Variants in SPATA31H1 observed in about 807,000 individuals in gnomAD.
SPATA31H1 encodes SPATA31 subfamily H member 1, also known as spermatogenesis-associated protein 31H1.
the SPATA31H1 span, among the ~76,000 whole-genome samples, chr2:27,542,045 C>A: frequency 6.6e-6 from 1 of 151,942 alleles, no homozygotes; most frequent in African/African-American, 2.4e-5. Flanking sequence ...AGTGCTGGGA[C>A]TACAGGCATG....
At chr2:27,550,818 G>A in the SPATA31H1 span, among the ~76,000 whole-genome samples, 3 of 151,728 alleles carry the variant, frequency 2.0e-5, no homozygotes, top group Non-Finnish European at 4.4e-5. Context: ...ACTGAGTTTT[G>A]AAAACAAAAC....
the SPATA31H1 span, among the ~76,000 whole-genome samples, chr2:27,546,300 A>G: frequency 6.6e-6 from 1 of 151,866 alleles, no homozygotes; most frequent in South Asian, 2.1e-4. Context: ...ACCCTTCTAT[A>G]TTTCTTCTAG....
At chr2:27,566,022 G>C in the SPATA31H1 span, 3 of 717,296 alleles carry the variant, frequency 4.2e-6, no homozygotes, top group Non-Finnish European at 7.8e-6. Context: ...GAGGCTGACA[G>C]ATTCTTCACC....
chr2:27,569,006 C>A, the SPATA31H1 span: 1 of 398,910 alleles, frequency 2.5e-6, no homozygotes, highest in Non-Finnish European at 4.4e-6. Context: ...ACAACTGTCA[C>A]CAAGTGGAAA....
the SPATA31H1 span, among the ~76,000 whole-genome samples, chr2:27,541,365 G>C: frequency 6.6e-6 from 1 of 151,494 alleles, no homozygotes; most frequent in East Asian, 2.0e-4. Flanking sequence ...GCTTTGGCTC[G>C]GCATCAGAGG....
the SPATA31H1 span, chr2:27,570,283 G>T: frequency 2.5e-6 from 1 of 398,796 alleles, no homozygotes; most frequent in Non-Finnish European, 4.4e-6. Context: ...TCTACTGAAG[G>T]ATCACAGTTT....
the SPATA31H1 span, chr2:27,573,689 C>T: frequency 4.1e-3 from 1,646 of 398,180 alleles, 21 homozygotes; most frequent in African/African-American, 0.029. Flanking sequence ...CTGAGTTGAC[C>T]CCAAGACCAC....
the SPATA31H1 span, among the ~76,000 whole-genome samples, chr2:27,563,206 G>A: frequency 4.6e-5 from 7 of 151,958 alleles, no homozygotes; most frequent in East Asian, 9.7e-4. Context: ...TATGTCTGAC[G>A]TAGAATGTCT....
the SPATA31H1 span, among the ~76,000 whole-genome samples, chr2:27,548,945 G>A: frequency 8.6e-5 from 13 of 151,264 alleles, no homozygotes; most frequent in Non-Finnish European, 1.5e-4. Flanking sequence ...GTGGTGGCAC[G>A]CGCCTGTAAT....
the SPATA31H1 span, chr2:27,573,470 T>C: frequency 2.5e-6 from 1 of 398,532 alleles, no homozygotes; most frequent in Non-Finnish European, 4.4e-6. Context: ...TGAAGTCATC[T>C]GAGTTGACTC....
the SPATA31H1 span, among the ~76,000 whole-genome samples, chr2:27,543,905 C>G: frequency 1.3e-5 from 2 of 152,074 alleles, no homozygotes; most frequent in South Asian, 4.1e-4. Flanking sequence ...CACGTTTCAG[C>G]TTAAAATTTT....
chr2:27,578,583 G>A, the SPATA31H1 span: 1 of 1,613,876 alleles, frequency 6.2e-7, no homozygotes, highest in East Asian at 2.2e-5. Context: ...ATCTCCATTT[G>A]AGGAACATAC....
At chr2:27,550,003 ATTTT>A in the SPATA31H1 span, among the ~76,000 whole-genome samples, 37 of 151,930 alleles carry the variant, frequency 2.4e-4, no homozygotes, top group East Asian at 2.5e-3. Context: ...AACACAAAAG[ATTTT>A]TATAAATTGA....
chr2:27,561,981 G>A, the SPATA31H1 span, among the ~76,000 whole-genome samples: 787 of 152,310 alleles, frequency 5.2e-3, 8 homozygotes, highest in African/African-American at 0.018. Context: ...GATTACAGGC[G>A]TGAGTCACTT....
chr2:27,549,234 A>G, the SPATA31H1 span, among the ~76,000 whole-genome samples: 1 of 151,886 alleles, frequency 6.6e-6, no homozygotes, highest in South Asian at 2.1e-4. Flanking sequence ...CAGAATTCAT[A>G]TTTTTTGAGG....
chr2:27,539,849 C>T, the SPATA31H1 span, among the ~76,000 whole-genome samples: 1 of 92,226 alleles, frequency 1.1e-5, no homozygotes, highest in Non-Finnish European at 2.2e-5. Flanking sequence ...CCGGACCGGG[C>T]GGCTGGCCAG....
the SPATA31H1 span, chr2:27,537,678 G>A: frequency 1.6e-6 from 1 of 644,832 alleles, no homozygotes; most frequent in Non-Finnish European, 2.8e-6. Flanking sequence ...GAGGGGAGTT[G>A]AGACAGTGCC....
the SPATA31H1 span, chr2:27,581,836 A>G: frequency 1.2e-6 from 2 of 1,611,066 alleles, no homozygotes; most frequent in Admixed American, 1.7e-5. Flanking sequence ...AGTCCCTCTG[A>G]GAGAAGCCAT....
At chr2:27,576,597 C>G in the SPATA31H1 span, 2 of 1,589,202 alleles carry the variant, frequency 1.3e-6, no homozygotes, top group Non-Finnish European at 8.6e-7. Flanking sequence ...AGGGGCCCAA[C>G]AGCAAGGTAT....
Sources: allele counts gnomAD v4.1 joint callset (sites outside exome capture counted in the v4.1 genomes callset), GRCh38; gene constraint gnomAD v4.1.1; transcripts MANE v1.5; gene names NCBI Gene and HGNC (gene_info 2026-07-23, HGNC 2026-07-21).